The following NHSL1 variants were observed in gnomAD, a reference collection of about 807,000 sequenced individuals.
The protein encoded by NHSL1 is NHS-like protein 1.
NHSL1 carries 48 observed loss-of-function variants against 95.0 expected under a neutral mutation model. The ratio of observed to expected loss-of-function variants is 0.51; its 90% CI spans 0.40 to 0.64. The LOEUF (loss-of-function observed/expected upper bound fraction) is 0.64, where lower values mean the gene tolerates loss of function less well. NHSL1 is among the 30% of genes least tolerant of loss of function. The pLI is 0.00. For missense variants in NHSL1, 1,971 were observed against 2,077.7 expected (o/e 0.95, Z 1.00); for synonymous variants, 783 against 833.9 (o/e 0.94, Z 1.05).
At chr6:138,600,795 C>T (rs1562387989) in intron 1 of NHSL1, among the ~76,000 whole-genome samples, 1 of 152,136 alleles carries the variant, frequency 6.6e-6, no homozygotes, top group Non-Finnish European at 1.5e-5. Flanking sequence ...AGAAGAAACT[C>T]ATGTTTTAAA....
chr6:138,578,854 C>A (rs901433095), intron 1 of NHSL1, among the ~76,000 whole-genome samples: 2 of 152,184 alleles, frequency 1.3e-5, no homozygotes, highest in Non-Finnish European at 2.9e-5. Flanking sequence ...TAGCACAGTG[C>A]TAGACTATAA....
intron 1 of NHSL1, among the ~76,000 whole-genome samples, chr6:138,595,319 A>C (rs1031284118): frequency 3.2e-4 from 48 of 152,220 alleles, no homozygotes; most frequent in African/African-American, 1.0e-3. Context: ...CATGCCCGTA[A>C]TCCTAGCACT....
chr6:138,616,953 C>G (rs1187082321), intron 1 of NHSL1, among the ~76,000 whole-genome samples: 1 of 152,186 alleles, frequency 6.6e-6, no homozygotes, highest in East Asian at 1.9e-4. Flanking sequence ...TCAGAAGGAC[C>G]TGGAAGTACC....
chr6:138,545,734 C>T, upstream of NHSL1: 1 of 1,252,798 alleles, frequency 8.0e-7, no homozygotes, highest in Non-Finnish European at 1.0e-6. Context: ...TCAGCGCTCA[C>T]TGCCAGAGAG....
intron 1 of NHSL1, among the ~76,000 whole-genome samples, chr6:138,681,448 C>T (rs909886881): frequency 2.0e-5 from 3 of 152,142 alleles, no homozygotes; most frequent in African/African-American, 7.2e-5. Context: ...ATGATTTTTC[C>T]ACTGACCTTG....
At chr6:138,687,279 TAA>T (rs111469319) in intron 1 of NHSL1, among the ~76,000 whole-genome samples, 3 of 143,086 alleles carry the variant, frequency 2.1e-5, no homozygotes, top group African/African-American at 2.6e-5. Flanking sequence ...CTTTTTAAAT[TAA>T]AAAAAAAAAA....
intron 1 of NHSL1, among the ~76,000 whole-genome samples, chr6:138,685,442 G>A (rs1207677215): frequency 6.6e-6 from 1 of 152,088 alleles, no homozygotes; most frequent in Non-Finnish European, 1.5e-5. Context: ...TGAATGTATT[G>A]TGGGCAGAAT....
At chr6:138,513,620 G>T (rs570764295) in intron 1 of NHSL1, among the ~76,000 whole-genome samples, 1 of 152,272 alleles carries the variant, frequency 6.6e-6, no homozygotes, top group East Asian at 1.9e-4. Flanking sequence ...AAAGGAAGAA[G>T]CAAGAGTTAT....
chr6:138,486,948 G>T (rs1171214202), intron 2 of NHSL1, among the ~76,000 whole-genome samples: 1 of 152,186 alleles, frequency 6.6e-6, no homozygotes, highest in African/African-American at 2.4e-5. Context: ...AAAGGTTGTG[G>T]GGGACTCTAG....
At position 138,433,091 on chromosome 6, in the gene NHSL1, C is replaced by T. The variant is rs1177888269; in HGVS notation, c.1254G>A (p.Leu418=). Reference sequence around the variant, plus strand: ...TAGCGATGACCTCGGAAGAGGAAGACAGTGTGGCATTTGGGATGATGCTGG... The same window carrying T: ...TAGCGATGACCTCGGAAGAGGAAGATAGTGTGGCATTTGGGATGATGCTGG... ...YSTSIIPNAT[L]SSSSEVIAIP... is the part of the protein sequence containing the mutation. The change falls in exon 6 of 8, where the codon CTG becomes CTA. Residue 418 remains leucine, a synonymous_variant. Transcript: ENST00000343505. The T allele has an allele frequency of 1.3e-6, 2 of 1,551,062 alleles. No homozygotes were observed.
chr6:138,600,929 T>C (rs577330265), intron 1 of NHSL1, among the ~76,000 whole-genome samples: 47 of 152,350 alleles, frequency 3.1e-4, no homozygotes, highest in African/African-American at 1.1e-3. Context: ...AATAACCACT[T>C]GGAAAGGGCT....
At chr6:138,659,044 A>T (rs967416911) in intron 1 of NHSL1, among the ~76,000 whole-genome samples, 1 of 138,226 alleles carries the variant, frequency 7.2e-6, no homozygotes. Flanking sequence ...GATGTGGACT[A>T]TCTTTTTTTT....
chr6:138,556,711 T>C (rs1366295561), intron 1 of NHSL1, among the ~76,000 whole-genome samples: 2 of 152,006 alleles, frequency 1.3e-5, no homozygotes, highest in Non-Finnish European at 2.9e-5. Flanking sequence ...CAGCCACATT[T>C]TATATCATTC....
intron 3 of NHSL1, among the ~76,000 whole-genome samples, chr6:138,461,245 C>A (rs766454090): frequency 6.6e-6 from 1 of 152,000 alleles, no homozygotes; most frequent in African/African-American, 2.4e-5. Flanking sequence ...GGACAGTAAG[C>A]AGATAACTGC....
At chr6:138,491,019 G>A (rs1780048796) in intron 2 of NHSL1, among the ~76,000 whole-genome samples, 1 of 152,160 alleles carries the variant, frequency 6.6e-6, no homozygotes, top group Non-Finnish European at 1.5e-5. Context: ...TTCACATTGT[G>A]TAATAAATTC....
chr6:138,465,247 G>A (rs1778286826), intron 3 of NHSL1, among the ~76,000 whole-genome samples: 1 of 151,974 alleles, frequency 6.6e-6, no homozygotes. Flanking sequence ...CAAGCTCACA[G>A]GGAACAATCT....
chr6:138,541,374 A>G (rs1288877868), intron 1 of NHSL1, among the ~76,000 whole-genome samples: 5 of 152,172 alleles, frequency 3.3e-5, no homozygotes, highest in African/African-American at 4.8e-5. Flanking sequence ...CTCAAAAAAA[A>G]TAAGAATAAA....
intron 1 of NHSL1, among the ~76,000 whole-genome samples, chr6:138,670,190 C>T (rs1046299856): frequency 6.6e-6 from 1 of 152,094 alleles, no homozygotes; most frequent in East Asian, 1.9e-4. Context: ...TTCCCCACAA[C>T]GCTCCCACCC....
At chr6:138,498,369 C>T (rs1780482235) in intron 1 of NHSL1, among the ~76,000 whole-genome samples, 1 of 152,202 alleles carries the variant, frequency 6.6e-6, no homozygotes, top group African/African-American at 2.4e-5. Context: ...GTGTTCCTCA[C>T]TCTCGCCAGG....
Sources: gnomAD v4.1 joint callset for allele counts (sites outside exome capture counted in the v4.1 genomes callset) on GRCh38, gnomAD v4.1.1 for gene constraint, MANE v1.5 for transcripts, NCBI Gene and HGNC (gene_info 2026-07-23, HGNC 2026-07-21) for gene names.